The following KRT74 variants were observed in gnomAD, a reference collection of about 807,000 sequenced individuals.
The protein encoded by KRT74 is keratin 74.
In KRT74, 43 loss-of-function variants were observed where a neutral mutation model predicts 42.7. The observed-to-expected ratio is 1.01, with a 90% CI of 0.79 to 1.30. KRT74 has a LOEUF of 1.30. Ranked by LOEUF, KRT74 falls within the 50% of genes most tolerant of loss-of-function variation. The probability of loss-of-function intolerance (pLI) is 0.00; values close to 1 mark genes in which losing one functional copy is unlikely to be tolerated. For synonymous variants in KRT74, 302 were observed against 279.0 expected, an observed-to-expected ratio of 1.08 and a Z score of -0.82; for missense variants, 736 against 689.1, an observed-to-expected ratio of 1.07 and a Z score of -0.76.
At chr12:52,570,413 CAG>C (rs1018334779) in intron 5 of KRT74, among the ~76,000 whole-genome samples, 3 of 152,224 alleles carry the variant, frequency 2.0e-5, no homozygotes, top group African/African-American at 4.8e-5. Context: ...TCACCTGCAA[CAG>C]AGAGGAACAG....
At chr12:52,573,258 A>G in intron 1 of KRT74, 49 bp downstream of exon 1, 1 of 1,572,110 alleles carries the variant, frequency 6.4e-7, no homozygotes, top group Non-Finnish European at 8.8e-7. Context: ...CAGCAGGAAA[A>G]CTGCTCAGGC....
At position 52,570,730 on chromosome 12, in the gene KRT74, A is replaced by T; in HGVS notation, c.947T>A (p.Met316Lys). 1 of 1,614,254 alleles carries T rather than the reference A, an allele frequency of 6.2e-7. No individual in the cohort carries two copies. The highest frequency in any genetic ancestry group is 8.5e-7 in the Non-Finnish European group (1 of 1,180,036). The change falls in exon 5 of 9, where the codon ATG becomes AAG. Residue 316 changes from methionine to lysine, a missense_variant. Transcript: ENST00000305620. Reference sequence around the variant, plus strand: ...CTTCAGGGCGATCTCCTCATAATGCATGCGGACCTCAGCGATGATGCTGTC... The same window carrying T: ...CTTCAGGGCGATCTCCTCATAATGCTTGCGGACCTCAGCGATGATGCTGTC... ...DLDSIIAEVR[M>K]HYEEIALKSK...
intron 3 of KRT74, among the ~76,000 whole-genome samples, chr12:52,571,734 C>T (rs1313094103): frequency 6.6e-6 from 1 of 152,140 alleles, no homozygotes; most frequent in Non-Finnish European, 1.5e-5. Context: ...GTTCCCAGAC[C>T]AGAATTCTGT....
At position 52,570,653 on chromosome 12, in the gene KRT74, C is replaced by T. The variant is rs1187690691; in HGVS notation, c.1008+16G>A. On this transcript the variant is annotated intron_variant, in intron 5 of 8. Transcript: ENST00000305620. Reference sequence around the variant, plus strand: ...AGCGAAGGGCTGCTGTGGGAGGAGACCCATTCGGTGACCACCTTGGTCTGG... The same window carrying T: ...AGCGAAGGGCTGCTGTGGGAGGAGATCCATTCGGTGACCACCTTGGTCTGG... 1.9e-6 allele frequency: 3 copies of T among 1,614,044 alleles called. No homozygotes were observed. In the African/African-American group the frequency reaches 4.0e-5, roughly 22 times the overall value.
At position 52,573,653 on chromosome 12, in the gene KRT74, C is replaced by T. The variant is rs757194873; in HGVS notation, c.125G>A (p.Gly42Asp). The T allele has an allele frequency of 2.5e-6, 4 of 1,614,222 alleles. No individual in the cohort carries two copies. The highest frequency in any genetic ancestry group is 2.2e-5 in the East Asian group (1 of 44,894). Residue 42 changes from glycine to aspartate, a missense_variant, in exon 1 of 9, where the codon GGC becomes GAC. Coordinates refer to ENST00000305620, the MANE Select transcript of KRT74 (RefSeq NM_175053.4). ...GAGGCTCCGACTGCCAAAGCCAGCG[C>T]CAGCCCCTCTGCCAGCTGCACAGTA... ...ASYCAAGRGA[G>D]AGFGSRSLYS...
chr12:52,567,253 T>C (rs1939397439), intron 8 of KRT74, 85 bp from the exon 9 acceptor site: 1 of 1,166,018 alleles, frequency 8.6e-7, no homozygotes, highest in Admixed American at 2.7e-5. Flanking sequence ...CCCAAGGGCT[T>C]CTCCACAACA....
At position 52,573,387 on chromosome 12, in the gene KRT74, G is replaced by A. The variant is rs374512061; in HGVS notation, c.391C>T (p.Pro131Ser). 3 of 1,614,082 alleles carry A rather than the reference G, an allele frequency of 1.9e-6. No individual in the cohort carries two copies. The highest frequency in any genetic ancestry group is 2.7e-5 in the African/African-American group (2 of 74,914). The change falls in exon 1 of 9, where the codon CCT becomes TCT. Residue 131 changes from proline to serine, a missense_variant. By Grantham distance (74) the Pro-to-Ser change is moderately conservative. Transcript: ENST00000305620. ...LLAPLNVELD[P>S]EIQKVRAQER... The stretch of plus-strand genomic sequence containing the variant: ...TGGGCGCGCACCTTCTGGATCTCAG[G>A]GTCCAGCTCCACGTTGAGGGGGGCC...
intron 1 of KRT74, 43 bp from the exon 2 acceptor site, chr12:52,572,710 AG>A: frequency 1.3e-6 from 2 of 1,562,478 alleles, no homozygotes; most frequent in Non-Finnish European, 8.8e-7. Context: ...CAATGGGTGC[AG>A]TCATGCCCCC....
intron 6 of KRT74, 31 bp downstream of exon 6, chr12:52,569,828 A>C: frequency 6.2e-7 from 1 of 1,613,804 alleles, no homozygotes; most frequent in Non-Finnish European, 8.5e-7. Context: ...TGCTGTGGAG[A>C]CCGGGAGTTC....
At chr12:52,570,927 C>T in intron 4 of KRT74, 94 bp from the exon 5 acceptor site, 1 of 1,429,142 alleles carries the variant, frequency 7.0e-7, no homozygotes. Context: ...GCCCAATAGG[C>T]TGCTAGGATC....
intron 6 of KRT74, among the ~76,000 whole-genome samples, chr12:52,569,253 G>GC (rs1555161211): frequency 7.0e-6 from 1 of 143,442 alleles, no homozygotes; most frequent in Non-Finnish European, 1.5e-5. Flanking sequence ...GGTAAGACAG[G>GC]CCCCCCACCC....
At position 52,573,352 on chromosome 12, in the gene KRT74, T is replaced by C; in HGVS notation, c.426A>G (p.Glu142=). The change falls in exon 1 of 9, where the codon GAA becomes GAG. Residue 142 remains glutamate (E), a synonymous_variant. Coordinates refer to ENST00000305620, the MANE Select transcript of KRT74 (RefSeq NM_175053.4). The part of the protein sequence containing the change: ...EIQKVRAQER[E]QIKVLNDKFA... ...ACTTGTCGTTCAGCACCTTGATCTG[T>C]TCCCGCTCCTGGGCGCGCACCTTCT... The C allele has an allele frequency of 6.2e-7, 1 of 1,614,174 alleles. No homozygotes were observed. Among genetic ancestry groups the C allele is most frequent in the Non-Finnish European group, 8.5e-7 (1 of 1,180,032 alleles).
At position 52,566,824 on chromosome 12, in the gene KRT74, TAAA is replaced by T; in HGVS notation, c.*142_*144del. ...GACTGTGTCAATCAGAGCTTGAAAG[TAAA>T]AGCTAAACCACGATGCAGACAGTTG... On this transcript the variant is annotated 3_prime_UTR_variant, in exon 9 of 9. Coordinates refer to ENST00000305620, the MANE Select transcript of KRT74 (RefSeq NM_175053.4). The T allele has an allele frequency of 6.5e-5, 40 of 610,926 alleles. No homozygotes were observed. The highest frequency in any genetic ancestry group is 2.5e-4 in the Admixed American group (10 of 39,452). The allele number at this position is 610,926 out of a possible 1,614,324, so 37.8% of individuals were successfully genotyped here. A position where few individuals can be genotyped will look rare whatever the true frequency, so the allele number is the denominator to read the frequency against.
In KRT74 at chr12:52,569,964, T is replaced by G; in HGVS notation, c.1029A>C (p.Ala343=). 2.5e-6 allele frequency: 4 copies of G among 1,614,120 alleles called. No homozygotes were observed. The highest frequency in any genetic ancestry group is 3.4e-6 in the Non-Finnish European group (4 of 1,180,030). The change falls in exon 6 of 9, where the codon GCA becomes GCC. Residue 343 remains alanine, a synonymous_variant. Coordinates refer to ENST00000305620, the MANE Select transcript of KRT74 (RefSeq NM_175053.4). ...TCAGGTCGTCACCATGCCGACTGGCTGCCAGCTGCAGCTCCTGGATCTGGT... is the reference window on the plus strand; with the variant it reads ...TCAGGTCGTCACCATGCCGACTGGCGGCCAGCTGCAGCTCCTGGATCTGGT... The part of the protein sequence containing the change: ...YQTKIQELQL[A]ASRHGDDLKH...
chr12:52,567,716 A>G, intron 7 of KRT74, 23 bp from the exon 8 acceptor site: 1 of 1,598,464 alleles, frequency 6.3e-7, no homozygotes, highest in Non-Finnish European at 8.6e-7. Flanking sequence ...AAGTTAGAGA[A>G]AGATAAAAAC....
chr12:52,570,075 G>A, intron 5 of KRT74, 91 bp from the exon 6 acceptor site: 1 of 1,474,920 alleles, frequency 6.8e-7, no homozygotes, highest in Non-Finnish European at 9.4e-7. Flanking sequence ...CTGGCTGTCG[G>A]TGGGATTTAA....
At position 52,571,929 on chromosome 12, in the gene KRT74, T is replaced by C. The variant is rs1161752868; in HGVS notation, c.747+15A>G. On this transcript the variant is annotated intron_variant, in intron 3 of 8. Transcript: ENST00000305620. ...GTGCGAGAGACCCTAATAAGGAGGC[T>C]CCTCCCTCTCTTACCTTCTTAAGCA... The C allele has an allele frequency of 2.0e-6, 3 of 1,498,126 alleles. No homozygotes were observed. The highest frequency in any genetic ancestry group is 1.4e-5 in the African/African-American group (1 of 71,804). 92.8% of individuals were successfully genotyped at this position (1,498,126 alleles called of 1,614,324 possible). A position where few individuals can be genotyped will look rare whatever the true frequency, so the allele number is the denominator to read the frequency against.
chr12:52,570,922 A>G lies in KRT74; in HGVS notation c.844-89T>C, dbSNP rs56182525. 157,394 of 1,476,048 alleles carry G rather than the reference A, an allele frequency of 0.11. 8,932 individuals are homozygous for G. Among genetic ancestry groups the G allele is most frequent in the African/African-American group, 0.16 (11,775 of 72,142 alleles). 91.4% of individuals were successfully genotyped at this position (1,476,048 alleles called of 1,614,324 possible). On this transcript the variant is annotated intron_variant, in intron 4 of 8. Coordinates refer to ENST00000305620, the MANE Select transcript of KRT74 (RefSeq NM_175053.4). ...TTCTGGGCCCATGGTCCCTGGCCCAATAGGCTGCTAGGATCCACGGGGACA... is the reference window on the plus strand; with the variant it reads ...TTCTGGGCCCATGGTCCCTGGCCCAGTAGGCTGCTAGGATCCACGGGGACA...
chr12:52,568,735 C>A lies in KRT74; in HGVS notation c.1135-346G>T, dbSNP rs637608. On this transcript the variant is annotated intron_variant, in intron 6 of 8. Coordinates refer to ENST00000305620, the MANE Select transcript of KRT74 (RefSeq NM_175053.4). ...GCCCGATCCCCTAGCAAGGCCAGCCCTGAGGATGAGACAGTATGCCACGGT... is the reference window on the plus strand; with the variant it reads ...GCCCGATCCCCTAGCAAGGCCAGCCATGAGGATGAGACAGTATGCCACGGT... 0.13 allele frequency among the ~76,000 whole-genome samples: 19,259 copies of A among 152,224 alleles called. 1,865 individuals carry two copies. The highest frequency in any genetic ancestry group is 0.26 in the African/African-American group (10,636 of 41,520).
Sources: allele counts gnomAD v4.1 joint callset (sites outside exome capture counted in the v4.1 genomes callset), GRCh38; gene constraint gnomAD v4.1.1; transcripts MANE v1.5; gene names NCBI Gene and HGNC (gene_info 2026-07-23, HGNC 2026-07-21).